Variants in BIRC6 observed in about 807,000 individuals in gnomAD.
BIRC6 encodes baculoviral IAP repeat containing 6.
In BIRC6, 98 loss-of-function variants were observed where a neutral mutation model predicts 503.3. The ratio of observed to expected loss-of-function variants is 0.19; its 90% CI spans 0.17 to 0.23. The LOEUF (loss-of-function observed/expected upper bound fraction) is 0.23, where lower values mean the gene tolerates loss of function less well. BIRC6 is among the 10% of genes least tolerant of loss of function. The pLI, the probability that BIRC6 is intolerant of heterozygous loss-of-function variation, is 1.00. For missense variants in BIRC6, 5,360 were observed against 5,806.0 expected, an observed-to-expected ratio of 0.92 and a Z score of 2.50; for synonymous variants, 2,240 against 2,078.7, an observed-to-expected ratio of 1.08 and a Z score of -2.11.
At chr2:32,590,019 G>T (rs935744036) in intron 66 of BIRC6, among the ~76,000 whole-genome samples, 3 of 152,098 alleles carry the variant, frequency 2.0e-5, no homozygotes, top group Non-Finnish European at 4.4e-5. Flanking sequence ...AAAAACAAAA[G>T]GGGATCATAG....
rs1357395389 is a variant in BIRC6 at position 32,461,279 on chromosome 2, G to C, written c.4754-1915G>C. ...TGCAACCTACACCTCCTGAGTTCAAGTGTTTCTCATGCCTCAGCCTCCTGA... is the reference window on the plus strand; with the variant it reads ...TGCAACCTACACCTCCTGAGTTCAACTGTTTCTCATGCCTCAGCCTCCTGA... On this transcript the variant is annotated intron_variant, in intron 23 of 73. Transcript: ENST00000421745. Among the ~76,000 whole-genome samples the C allele has an allele frequency of 4.0e-5, 6 of 149,154 alleles. No homozygotes were observed. The Admixed American group carries it at 4.0e-4, about 10-fold the overall frequency.
intron 66 of BIRC6, among the ~76,000 whole-genome samples, chr2:32,592,044 T>C (rs1179345264): frequency 1.3e-5 from 2 of 152,234 alleles, no homozygotes; most frequent in Non-Finnish European, 2.9e-5. Context: ...ATTTCATAGC[T>C]GTAAAAGACA....
In BIRC6 at chr2:32,429,179, C is replaced by T. The variant is rs375342023; in HGVS notation, c.2906C>T (p.Thr969Ile). ...GELHFLQIGG[T>I]CDDIDEADIL... The stretch of plus-strand genomic sequence containing the variant: ...CTTCATTTTCTCCAAATTGGAGGAA[C>T]CTGTGATGATATTGATGAAGCTGAT... The change falls in exon 11 of 74, where the codon ACC (threonine) becomes ATC (isoleucine). Residue 969 changes from threonine to isoleucine, a missense_variant. Around this residue, in one of 16 missense-constraint regions of BIRC6, gnomAD observed 700 missense variants for 739.3 expected, o/e 0.95. Transcript: ENST00000421745. 2 of 1,593,352 alleles carry T rather than the reference C, an allele frequency of 1.3e-6. No individual in the cohort carries two copies. Among genetic ancestry groups the T allele is most frequent in the Non-Finnish European group, 8.6e-7 (1 of 1,169,114 alleles).
At position 32,575,215 on chromosome 2, in the gene BIRC6, A is replaced by G. The variant is rs776598009; in HGVS notation, c.13204A>G (p.Ile4402Val). ...GGCACTGCTGGAATTGCTTCGGGCC[A>G]TTGCTTCTTGTGCTGCCATGGTGCC... is the stretch of plus-strand genomic sequence containing the variant. The part of the protein sequence containing the change: ...YRALLELLRA[I>V]ASCAAMVPLL... Residue 4402 changes from isoleucine to valine, a missense_variant, in exon 66 of 74, where the codon ATT becomes GTT. Physicochemically the swap from Ile to Val is conservative, Grantham distance 29 (BLOSUM62 3). This residue lies in a region of BIRC6 where 477 missense variants were observed against 574.4 expected (regional missense o/e 0.83). Transcript: ENST00000421745. 2 of 1,614,018 alleles carry G rather than the reference A, an allele frequency of 1.2e-6. No individual in the cohort carries two copies. Among genetic ancestry groups the G allele is most frequent in the Non-Finnish European group, 8.5e-7 (1 of 1,179,892 alleles).
At chr2:32,476,477 G>T (rs1247248559) in intron 34 of BIRC6, 133 bp downstream of exon 34, 11 of 866,744 alleles carry the variant, frequency 1.3e-5, no homozygotes, top group Non-Finnish European at 1.8e-5. Context: ...CTTTTTTTTG[G>T]TGGGGTAGTT....
At chr2:32,369,143 T>G (rs554413759) in intron 1 of BIRC6, among the ~76,000 whole-genome samples, 1 of 152,036 alleles carries the variant, frequency 6.6e-6, no homozygotes, top group African/African-American at 2.4e-5. Context: ...CATTTCTGTT[T>G]GTCTGTTATA....
At chr2:32,598,115 G>C in intron 69 of BIRC6, 147 bp downstream of exon 69, 3 of 749,388 alleles carry the variant, frequency 4.0e-6, no homozygotes, top group Non-Finnish European at 6.2e-6. Flanking sequence ...GGCAGTGAAA[G>C]GAGCCTCCCC....
At position 32,474,187 on chromosome 2, in the gene BIRC6, T is replaced by G. The variant is rs1188270304; in HGVS notation, c.6720+948T>G. Among the ~76,000 whole-genome samples, 4 of 152,264 alleles carry G rather than the reference T, an allele frequency of 2.6e-5. No individual in the cohort carries two copies. In the South Asian group the frequency reaches 6.2e-4, roughly 24 times the overall value. On this transcript the variant is annotated intron_variant, in intron 33 of 73. Coordinates refer to ENST00000421745, the MANE Select transcript of BIRC6 (RefSeq NM_016252.4). The stretch of plus-strand genomic sequence containing the variant: ...TTTTTATATTTAAAAAATTTTTTGA[T>G]TTATGGGGCTTTTTTTTAAAGGTAG...
intron 66 of BIRC6, among the ~76,000 whole-genome samples, chr2:32,591,781 C>G (rs894256108): frequency 6.6e-6 from 1 of 152,136 alleles, no homozygotes; most frequent in Non-Finnish European, 1.5e-5. Context: ...TTTTCTTATT[C>G]AGTGGCCCTG....
At position 32,460,267 on chromosome 2, in the gene BIRC6, TATATA is replaced by T. The variant is rs199822371; in HGVS notation, c.4754-2926_4754-2922del. Among the ~76,000 whole-genome samples, 272 of 43,198 alleles carry T rather than the reference TATATA, an allele frequency of 6.3e-3. 4 individuals carry two copies. Among genetic ancestry groups the T allele is most frequent in the Non-Finnish European group, 0.01 (240 of 23,576 alleles). The allele number at this position is 43,198 out of a possible 152,430, so 28.3% of individuals were successfully genotyped here. ...TATGATATATATATATATATATATATATATATTTTTTTTTTTTTTTTTTTTTTTTT... is the reference window on the plus strand; with the variant it reads ...TATGATATATATATATATATATATATTTTTTTTTTTTTTTTTTTTTTTTTT... On this transcript the variant is annotated intron_variant, in intron 23 of 73. Transcript: ENST00000421745.
Position 32,604,976 on chromosome 2 carries a change from G to A in BIRC6, c.14070+1893G>A, listed in dbSNP as rs527833013. On this transcript the variant is annotated intron_variant, in intron 71 of 73. Transcript: ENST00000421745. Reference sequence around the variant, plus strand: ...TGGCTTACTACAACCTCTGCGTCTCGGGTTCAAGCTGTGTTTCCACCTTAG... The same window carrying A: ...TGGCTTACTACAACCTCTGCGTCTCAGGTTCAAGCTGTGTTTCCACCTTAG... 2.5e-4 allele frequency among the ~76,000 whole-genome samples: 37 copies of A among 149,466 alleles called. 1 individual carries two copies. Among genetic ancestry groups the A allele is most frequent in the Admixed American group, 4.0e-4 (6 of 14,876 alleles).
chr2:32,399,278 G>A (rs916579345), intron 6 of BIRC6, among the ~76,000 whole-genome samples: 1 of 152,136 alleles, frequency 6.6e-6, no homozygotes, highest in African/African-American at 2.4e-5. Context: ...TAGAGATGGG[G>A]TTTCCCCATG....
At chr2:32,484,934 A>G (rs563313035) in intron 39 of BIRC6, among the ~76,000 whole-genome samples, 2 of 152,310 alleles carry the variant, frequency 1.3e-5, no homozygotes, top group East Asian at 3.9e-4. Context: ...ATTGTCTCAA[A>G]TTTGACCAAT....
chr2:32,575,494 G>C, intron 66 of BIRC6, 128 bp downstream of exon 66: 1 of 817,484 alleles, frequency 1.2e-6, no homozygotes, highest in Non-Finnish European at 1.9e-6. Flanking sequence ...GCTGGGTGCG[G>C]TGGCTCACAC....
In BIRC6 at chr2:32,464,684, C is replaced by T. The variant is rs1159749678; in HGVS notation, c.5117C>T (p.Thr1706Ile). 6.2e-7 allele frequency: 1 copy of T among 1,613,840 alleles called. No individual in the cohort carries two copies. Among genetic ancestry groups the T allele is most frequent in the Admixed American group, 1.7e-5 (1 of 59,992 alleles). The change falls in exon 25 of 74, where the codon ACT (threonine) becomes ATT (isoleucine). Residue 1706 changes from threonine to isoleucine, a missense_variant. This residue lies in a region of BIRC6 where 2,299 missense variants were observed against 2,267.2 expected (regional missense o/e 1.01). Transcript: ENST00000421745. Reference sequence around the variant, plus strand: ...CCAAAAACAACACCTCTTTTTATGACTCCACCACTCACTCCACCCAATGAA... The same window carrying T: ...CCAAAAACAACACCTCTTTTTATGATTCCACCACTCACTCCACCCAATGAA... ...PTPKTTPLFM[T>I]PPLTPPNEAV...
intron 22 of BIRC6, among the ~76,000 whole-genome samples, chr2:32,453,113 C>T (rs1214712972): frequency 6.6e-6 from 1 of 151,568 alleles, no homozygotes; most frequent in Non-Finnish European, 1.5e-5. Flanking sequence ...ATAATCCTTG[C>T]CTTCCCAAGC....
At chr2:32,574,015 T>C (rs932846175) in intron 65 of BIRC6, among the ~76,000 whole-genome samples, 2 of 152,198 alleles carry the variant, frequency 1.3e-5, no homozygotes, top group African/African-American at 4.8e-5. Context: ...CAAAAGTGCC[T>C]ATTATTATAG....
Position 32,467,677 on chromosome 2 carries a change from A to G in BIRC6, c.5509A>G (p.Ile1837Val), listed in dbSNP as rs370658877. The change falls in exon 27 of 74, where the codon ATA (isoleucine) becomes GTA (valine). Residue 1837 changes from isoleucine to valine, a missense_variant. By Grantham distance (29) the Ile-to-Val change is conservative. Transcript: ENST00000421745. ...AAGGCGGTTGGTAGTGGCAACTGAT[A>G]TAAGCACTCATTCACTAATTCTTCA... ...DGRRLVVATD[I>V]STHSLILHDL... 6.2e-7 allele frequency: 1 copy of G among 1,613,836 alleles called. No individual in the cohort carries two copies. The highest frequency in any genetic ancestry group is 8.5e-7 in the Non-Finnish European group (1 of 1,179,890).
intron 39 of BIRC6, among the ~76,000 whole-genome samples, 181 bp from the exon 40 acceptor site, chr2:32,485,462 A>G (rs1040050095): frequency 6.6e-6 from 1 of 151,930 alleles, no homozygotes; most frequent in Non-Finnish European, 1.5e-5. Context: ...GCCTGTCTCT[A>G]CCCTCCTTTC....
Sources: allele counts gnomAD v4.1 joint callset (sites outside exome capture counted in the v4.1 genomes callset), GRCh38; gene constraint gnomAD v4.1.1; regional missense constraint gnomAD v4.1.1; transcripts MANE v1.5; gene names NCBI Gene and HGNC (gene_info 2026-07-23, HGNC 2026-07-21).